Variants in BBS9 observed in about 807,000 individuals in gnomAD.
The protein encoded by BBS9 is Bardet-Biedl syndrome 9.
Under a neutral mutation model 117.7 loss-of-function variants are expected in BBS9, and 89 were observed. The ratio of observed to expected loss-of-function variants is 0.76; its 90% CI spans 0.64 to 0.90. The LOEUF (loss-of-function observed/expected upper bound fraction) is 0.90. Ranked by LOEUF, BBS9 falls within the 40% of genes least tolerant of loss-of-function variation. The pLI is 0.00. For synonymous variants in BBS9, 379 were observed against 370.9 expected, an observed-to-expected ratio of 1.02 and a Z score of -0.25; for missense variants, 982 against 1,042.2, an observed-to-expected ratio of 0.94 and a Z score of 0.80.
chr7:33,369,473 TTGTC>T (rs926037650), intron 17 of BBS9, among the ~76,000 whole-genome samples: 40 of 152,340 alleles, frequency 2.6e-4, no homozygotes, highest in South Asian at 1.7e-3. Flanking sequence ...TTTATTCTCT[TTGTC>T]TGAATGTATG....
At chr7:33,498,815 A>G (rs939543221) in intron 19 of BBS9, among the ~76,000 whole-genome samples, 2 of 152,182 alleles carry the variant, frequency 1.3e-5, no homozygotes, top group Non-Finnish European at 2.9e-5. Context: ...TAATGCTGCT[A>G]TAACTATTCG....
chr7:33,255,746 G>A (rs1409700461), intron 5 of BBS9, among the ~76,000 whole-genome samples: 1 of 152,126 alleles, frequency 6.6e-6, no homozygotes, highest in African/African-American at 2.4e-5. Context: ...GATTCTTTTT[G>A]TCTGATTGTG....
At chr7:33,533,631 T>C in intron 20 of BBS9, 2 of 364,282 alleles carry the variant, frequency 5.5e-6, no homozygotes, top group South Asian at 6.1e-5. Context: ...TGCCTGATAC[T>C]CTTTTTGTTG....
intron 15 of BBS9, among the ~76,000 whole-genome samples, chr7:33,355,866 G>C (rs927624732): frequency 6.6e-6 from 1 of 151,792 alleles, no homozygotes; most frequent in Admixed American, 6.6e-5. Flanking sequence ...TCACTTATAG[G>C]CAGTGTTGTT....
At chr7:33,619,623 A>T (rs1384749741) in intron 21 of BBS9, among the ~76,000 whole-genome samples, 2 of 152,208 alleles carry the variant, frequency 1.3e-5, no homozygotes, top group African/African-American at 4.8e-5. Context: ...AACAAGTCCT[A>T]ACAAATCCAA....
chr7:33,288,204 T>C (rs968556608), intron 9 of BBS9, among the ~76,000 whole-genome samples: 12 of 152,176 alleles, frequency 7.9e-5, no homozygotes, highest in African/African-American at 2.9e-4. Flanking sequence ...TATAAAAGGC[T>C]TTACATTCAG....
chr7:33,598,198 T>C (rs1863188601), intron 21 of BBS9, among the ~76,000 whole-genome samples: 1 of 150,694 alleles, frequency 6.6e-6, no homozygotes, highest in African/African-American at 2.5e-5. Context: ...CTGGAAACAA[T>C]TGTAAAATAT....
chr7:33,544,686 G>A (rs1445815375), intron 21 of BBS9, among the ~76,000 whole-genome samples: 1 of 152,186 alleles, frequency 6.6e-6, no homozygotes. Flanking sequence ...CCAGGAGGTG[G>A]TACTTTCCAG....
intron 4 of BBS9, among the ~76,000 whole-genome samples, chr7:33,163,719 G>C: frequency 6.6e-6 from 1 of 151,900 alleles, no homozygotes; most frequent in Non-Finnish European, 1.5e-5. Context: ...ATTCTTCTCT[G>C]TTTTCTTCTC....
chr7:33,635,261 C>G (rs1866089525), exon 22 of BBS9, among the ~76,000 whole-genome samples: 1 of 152,162 alleles, frequency 6.6e-6, no homozygotes, highest in Non-Finnish European at 1.5e-5. Flanking sequence ...ATGGAGGGAC[C>G]CAAAAGCTAA....
intron 21 of BBS9, among the ~76,000 whole-genome samples, chr7:33,552,429 C>G (rs1422031586): frequency 2.0e-5 from 3 of 152,186 alleles, no homozygotes; most frequent in Non-Finnish European, 2.9e-5. Context: ...CCATTGGCCC[C>G]TCCACCAGCC....
At chr7:33,259,104 A>G (rs1347023445) in intron 6 of BBS9, among the ~76,000 whole-genome samples, 1 of 152,196 alleles carries the variant, frequency 6.6e-6, no homozygotes, top group Non-Finnish European at 1.5e-5. Flanking sequence ...ATATTAAATG[A>G]TAATCACTGC....
intron 20 of BBS9, among the ~76,000 whole-genome samples, chr7:33,528,769 G>A (rs1448872714): frequency 6.6e-6 from 1 of 152,174 alleles, no homozygotes; most frequent in Non-Finnish European, 1.5e-5. Flanking sequence ...AGGTGAGTGA[G>A]GTTAAGTCAG....
At chr7:33,361,983 A>G (rs1484669080) in intron 16 of BBS9, among the ~76,000 whole-genome samples, 3 of 152,122 alleles carry the variant, frequency 2.0e-5, no homozygotes, top group African/African-American at 7.2e-5. Flanking sequence ...CAACCATCTC[A>G]ACGGTTAAGT....
chr7:33,395,874 A>T (rs1827870223), intron 19 of BBS9, among the ~76,000 whole-genome samples: 1 of 152,186 alleles, frequency 6.6e-6, no homozygotes, highest in South Asian at 2.1e-4. Flanking sequence ...CCTCATTGTC[A>T]TGGACAAGTA....
At chr7:33,140,085 G>T (rs1375362733) in intron 1 of BBS9, among the ~76,000 whole-genome samples, 1 of 152,008 alleles carries the variant, frequency 6.6e-6, no homozygotes, top group Non-Finnish European at 1.5e-5. Flanking sequence ...AAGTGCAGTG[G>T]CGTGATCTTG....
At chr7:33,594,460 G>A (rs1358720347) in intron 21 of BBS9, among the ~76,000 whole-genome samples, 1 of 151,992 alleles carries the variant, frequency 6.6e-6, no homozygotes, top group African/African-American at 2.4e-5. Context: ...AGAAAGAAAA[G>A]TCATGGGATG....
At chr7:33,339,310 A>T (rs1816035554) in intron 10 of BBS9, among the ~76,000 whole-genome samples, 1 of 152,128 alleles carries the variant, frequency 6.6e-6, no homozygotes, top group Non-Finnish European at 1.5e-5. Flanking sequence ...TCCTACTTAA[A>T]TCTCACCAGC....
intron 5 of BBS9, among the ~76,000 whole-genome samples, chr7:33,234,997 AT>A (rs1394735094): frequency 6.6e-6 from 1 of 152,006 alleles, no homozygotes; most frequent in African/African-American, 2.4e-5. Context: ...TTGGTTTTGA[AT>A]TTAATATGTG....
Sources: allele counts gnomAD v4.1 joint callset (sites outside exome capture counted in the v4.1 genomes callset), GRCh38; gene constraint gnomAD v4.1.1; transcripts MANE v1.5; gene names NCBI Gene and HGNC (gene_info 2026-07-23, HGNC 2026-07-21).